LRRC75A: variants seen among roughly 807,000 people sequenced by gnomAD.
LRRC75A encodes the protein leucine-rich repeat-containing protein 75A.
Under a neutral mutation model 26.0 loss-of-function variants are expected in LRRC75A, and 12 were observed. The ratio of observed to expected loss-of-function variants is 0.46; its 90% CI spans 0.30 to 0.75. The LOEUF is 0.75. Ranked by LOEUF, LRRC75A falls within the 30% of genes least tolerant of loss-of-function variation. LRRC75A has a pLI of 0.08. For missense variants in LRRC75A, 410 were observed against 486.6 expected, an observed-to-expected ratio of 0.84 and a Z score of 1.48; for synonymous variants, 223 against 219.3, an observed-to-expected ratio of 1.02 and a Z score of -0.15.
rs1179428388 is a variant in LRRC75A, at chr17:16,458,471, C to CT, written c.375+3786dup. Among the ~76,000 whole-genome samples the CT allele has an allele frequency of 6.3e-3, 928 of 146,572 alleles. 10 individuals are homozygous for CT. The highest frequency in any genetic ancestry group is 0.02 in the African/African-American group (803 of 40,330). ...GCCTTGGAAGTAGACCTGCCAACTT[C>CT]TTTTTTTTTTTGAGACGGAGTTTCG... On this transcript the variant is annotated intron_variant, in intron 2 of 3. Coordinates refer to ENST00000470794, the MANE Select transcript of LRRC75A (RefSeq NM_001113567.3).
chr17:16,444,313 C>T (rs548705827), intron 3 of LRRC75A, among the ~76,000 whole-genome samples, 182 bp from the exon 4 acceptor site: 9 of 152,312 alleles, frequency 5.9e-5, no homozygotes, highest in South Asian at 2.1e-4. Context: ...CTGACACTGC[C>T]GCACGTCTCA....
intron 2 of LRRC75A, among the ~76,000 whole-genome samples, chr17:16,455,394 T>TC (rs2093669053): frequency 6.6e-6 from 1 of 151,668 alleles, no homozygotes; most frequent in Non-Finnish European, 1.5e-5. Flanking sequence ...ACAATTTTTT[T>TC]TTTTAGACGG....
chr17:16,462,437 C>G lies in LRRC75A; in HGVS notation c.247-51G>C. On this transcript the variant is annotated intron_variant, in intron 1 of 3. Transcript: ENST00000470794. This position sits in a 1 kb window ranked among gnomAD's most constrained non-coding sequence, Gnocchi z 4.6. The stretch of plus-strand genomic sequence containing the variant: ...GTCAGGGCTGGCTGCCCACCCAGCT[C>G]GCCCACCATCCCCAAGAGAAGTAGG... 6.2e-7 allele frequency: 1 copy of G among 1,608,046 alleles called. No homozygotes were observed.
intron 1 of LRRC75A, among the ~76,000 whole-genome samples, chr17:16,479,675 G>T (rs1601198481): frequency 6.6e-6 from 1 of 152,164 alleles, no homozygotes; most frequent in Admixed American, 6.5e-5. Flanking sequence ...GGTTTTCCTG[G>T]GCTGCCAGCA....
At chr17:16,490,458 C>T (rs1263183060) in intron 1 of LRRC75A, among the ~76,000 whole-genome samples, 1 of 152,196 alleles carries the variant, frequency 6.6e-6, no homozygotes, top group East Asian at 1.9e-4. Flanking sequence ...GATCCAGCAG[C>T]GTCTCGGGCA....
intron 2 of LRRC75A, among the ~76,000 whole-genome samples, chr17:16,461,403 C>A (rs563840681): frequency 1.3e-5 from 2 of 152,362 alleles, no homozygotes; most frequent in East Asian, 1.9e-4. Context: ...CAGAAAAAAA[C>A]CAAAGCAACA....
chr17:16,455,709 C>G (rs2093671848), intron 2 of LRRC75A, among the ~76,000 whole-genome samples: 1 of 152,130 alleles, frequency 6.6e-6, no homozygotes, highest in Non-Finnish European at 1.5e-5. Context: ...ATTAATAACC[C>G]CGCTTTACAA....
chr17:16,485,314 G>A (rs1568987724), intron 1 of LRRC75A, among the ~76,000 whole-genome samples: 1 of 152,192 alleles, frequency 6.6e-6, no homozygotes, highest in African/African-American at 2.4e-5. Context: ...GGTATCGGGA[G>A]GTGGGGCCTA....
intron 1 of LRRC75A, among the ~76,000 whole-genome samples, chr17:16,470,789 A>G (rs2093803020): frequency 6.6e-6 from 1 of 152,194 alleles, no homozygotes; most frequent in African/African-American, 2.4e-5. Context: ...ATGGTCTCAT[A>G]AGAAGAAGGA....
intron 1 of LRRC75A, among the ~76,000 whole-genome samples, chr17:16,469,222 G>A (rs1395808726): frequency 6.6e-6 from 1 of 152,088 alleles, no homozygotes; most frequent in Admixed American, 6.6e-5. Flanking sequence ...CGCTCTCACT[G>A]CCCCCAAGAA....
chr17:16,474,487 A>G (rs1342367056), intron 1 of LRRC75A, among the ~76,000 whole-genome samples: 3 of 152,150 alleles, frequency 2.0e-5, no homozygotes, highest in African/African-American at 7.2e-5. Context: ...TGTGGGACTC[A>G]GATTCTGCAG....
At chr17:16,477,167 A>G (rs2093823138) in intron 1 of LRRC75A, among the ~76,000 whole-genome samples, 1 of 152,138 alleles carries the variant, frequency 6.6e-6, no homozygotes, top group African/African-American at 2.4e-5. Context: ...TTACAGGCAT[A>G]AGCCACCATG....
rs1365939242 is a variant in LRRC75A, at chr17:16,443,110, GGAATTTTGCTAAA to G, written c.*465_*477del. 1 of 155,114 alleles carries G rather than the reference GGAATTTTGCTAAA, an allele frequency of 6.4e-6. No individual in the cohort carries two copies. Among genetic ancestry groups the G allele is most frequent in the Non-Finnish European group, 1.4e-5 (1 of 70,118 alleles). 9.6% of individuals were successfully genotyped at this position (155,114 alleles called of 1,614,324 possible). A position where few individuals can be genotyped will look rare whatever the true frequency, so the allele number is the denominator to read the frequency against. On this transcript the variant is annotated 3_prime_UTR_variant, in exon 4 of 4. Transcript: ENST00000470794. ...GGGTCTCGGGCAACCAGGAGTTACA[GGAATTTTGCTAAA>G]GATTCCCACCTTCCTTGAGTGGGGA...
intron 1 of LRRC75A, among the ~76,000 whole-genome samples, chr17:16,476,408 G>A (rs1032544793): frequency 2.0e-5 from 3 of 150,196 alleles, no homozygotes; most frequent in African/African-American, 4.9e-5. Flanking sequence ...ATGGAGTCTT[G>A]CTTTGTTTGC....
intron 1 of LRRC75A, among the ~76,000 whole-genome samples, chr17:16,488,846 T>C (rs2093851917): frequency 6.6e-6 from 1 of 152,146 alleles, no homozygotes; most frequent in Non-Finnish European, 1.5e-5. Context: ...AAATCTTAGA[T>C]GCTGAAGAGG....
At chr17:16,447,168 C>T (rs1400158197) in intron 3 of LRRC75A, 1 of 235,852 alleles carries the variant, frequency 4.2e-6, no homozygotes, top group Non-Finnish European at 8.8e-6. Flanking sequence ...CCTCTACTTG[C>T]TTCCTACGGT....
intron 2 of LRRC75A, among the ~76,000 whole-genome samples, chr17:16,461,737 C>A (rs940828487): frequency 4.6e-5 from 7 of 152,220 alleles, no homozygotes; most frequent in Non-Finnish European, 2.9e-5. Flanking sequence ...TTCTATGACA[C>A]CTTTGTGCAA....
chr17:16,477,672 AG>A (rs1339255770), intron 1 of LRRC75A, among the ~76,000 whole-genome samples: 6 of 152,320 alleles, frequency 3.9e-5, no homozygotes, highest in African/African-American at 1.4e-4. Flanking sequence ...GGGCCTTCCC[AG>A]CAGGAGCCAG....
intron 2 of LRRC75A, among the ~76,000 whole-genome samples, chr17:16,456,284 AGG>A (rs1343362423): frequency 7.1e-5 from 10 of 140,346 alleles, no homozygotes; most frequent in Non-Finnish European, 1.4e-4. Context: ...GAGGAAGAGG[AGG>A]AGGAAGAGAA....
Sources: gnomAD v4.1 joint callset for allele counts (sites outside exome capture counted in the v4.1 genomes callset) on GRCh38, gnomAD v4.1.1 for gene constraint, Gnocchi (gnomAD v3.1) non-coding constraint, MANE v1.5 for transcripts, NCBI Gene and HGNC (gene_info 2026-07-23, HGNC 2026-07-21) for gene names.